The following KCNQ3 variants were observed in gnomAD, a reference collection of about 807,000 sequenced individuals.
KCNQ3 encodes the protein potassium voltage-gated channel subfamily Q member 3.
Under a neutral mutation model 92.5 loss-of-function variants are expected in KCNQ3, and 30 were observed. The observed-to-expected ratio is 0.32, with a 90% CI of 0.24 to 0.44. The LOEUF (loss-of-function observed/expected upper bound fraction) is 0.44, where lower values mean the gene tolerates loss of function less well. KCNQ3 is among the 20% of genes least tolerant of loss of function. The pLI, the probability that KCNQ3 is intolerant of heterozygous loss-of-function variation, is 1.00. For missense variants in KCNQ3, 913 were observed against 1,140.3 expected (o/e 0.80, Z 2.87); for synonymous variants, 450 against 468.8 (o/e 0.96, Z 0.52).
At chr8:132,373,363 G>C (rs752327147) in intron 1 of KCNQ3, among the ~76,000 whole-genome samples, 6 of 152,150 alleles carry the variant, frequency 3.9e-5, no homozygotes, top group Non-Finnish European at 7.4e-5. Flanking sequence ...ATTACATGAG[G>C]AGATGGGCCT....
At chr8:132,182,814 C>A (rs1411725296) in intron 3 of KCNQ3, among the ~76,000 whole-genome samples, 5 of 151,880 alleles carry the variant, frequency 3.3e-5, no homozygotes, top group African/African-American at 9.7e-5. Context: ...GGATTAGATA[C>A]TGAAAGAGGG....
intron 10 of KCNQ3, chr8:132,140,476 CCAGAAGCCAGCAAAGGACA>C (rs1249026232): frequency 5.2e-6 from 2 of 381,726 alleles, no homozygotes; most frequent in Non-Finnish European, 9.6e-6. Flanking sequence ...GCCCCCAGAG[CCAGAAGCCAGCAAAGGACA>C]CAGAAGCCAG....
intron 1 of KCNQ3, among the ~76,000 whole-genome samples, chr8:132,261,399 G>A (rs1465186080): frequency 1.3e-5 from 2 of 152,176 alleles, no homozygotes; most frequent in African/African-American, 2.4e-5. Flanking sequence ...CCACTCAGCT[G>A]TCCCATTCTC....
chr8:132,163,056 A>G (rs1826036940), intron 9 of KCNQ3, among the ~76,000 whole-genome samples: 1 of 152,178 alleles, frequency 6.6e-6, no homozygotes, highest in African/African-American at 2.4e-5. Flanking sequence ...AGATGAAATG[A>G]TATATCATGA....
At chr8:132,219,500 G>A (rs943230003) in intron 1 of KCNQ3, among the ~76,000 whole-genome samples, 19 of 151,994 alleles carry the variant, frequency 1.3e-4, no homozygotes, top group Non-Finnish European at 1.9e-4. Context: ...TTCTCTACCC[G>A]CTCTCTGTCC....
chr8:132,451,954 T>A (rs1285292714), intron 1 of KCNQ3, among the ~76,000 whole-genome samples: 1 of 152,180 alleles, frequency 6.6e-6, no homozygotes, highest in East Asian at 1.9e-4. Context: ...GTTCTTTTTT[T>A]TGCAGAACTA....
intron 9 of KCNQ3, among the ~76,000 whole-genome samples, chr8:132,156,692 CA>C (rs1411173376): frequency 6.6e-6 from 1 of 152,158 alleles, no homozygotes; most frequent in Non-Finnish European, 1.5e-5. Flanking sequence ...TTGTTTTTGG[CA>C]AACACAGAGG....
intron 1 of KCNQ3, among the ~76,000 whole-genome samples, chr8:132,444,488 G>T (rs1330480605): frequency 6.6e-6 from 1 of 152,210 alleles, no homozygotes; most frequent in Non-Finnish European, 1.5e-5. Flanking sequence ...ACAGGAGCTG[G>T]TGCTTTGCAG....
intron 1 of KCNQ3, among the ~76,000 whole-genome samples, chr8:132,377,457 T>C (rs1009884370): frequency 6.6e-5 from 10 of 152,118 alleles, no homozygotes; most frequent in African/African-American, 1.2e-4. Context: ...CAGGGACTGA[T>C]GGTTAAAGAG....
intron 1 of KCNQ3, among the ~76,000 whole-genome samples, chr8:132,357,242 A>G (rs1315377214): frequency 6.6e-6 from 1 of 152,220 alleles, no homozygotes; most frequent in Admixed American, 6.5e-5. Flanking sequence ...AGAACCCAAG[A>G]AAAGGGCTGG....
At chr8:132,433,062 C>T (rs1821294376) in intron 1 of KCNQ3, among the ~76,000 whole-genome samples, 1 of 152,164 alleles carries the variant, frequency 6.6e-6, no homozygotes, top group South Asian at 2.1e-4. Context: ...CTGTTCAATG[C>T]CCAAAGAAAT....
At chr8:132,229,405 T>C (rs1220953508) in intron 1 of KCNQ3, among the ~76,000 whole-genome samples, 1 of 152,112 alleles carries the variant, frequency 6.6e-6, no homozygotes, top group Non-Finnish European at 1.5e-5. Flanking sequence ...CAAAATATAC[T>C]GAGGACTTCA....
chr8:132,420,504 C>T (rs1587003779), intron 1 of KCNQ3, among the ~76,000 whole-genome samples: 1 of 152,160 alleles, frequency 6.6e-6, no homozygotes, highest in African/African-American at 2.4e-5. Flanking sequence ...AGCACCAGGA[C>T]TTGATGTCTC....
At chr8:132,185,606 T>A (rs1000421636) in intron 2 of KCNQ3, among the ~76,000 whole-genome samples, 2 of 152,192 alleles carry the variant, frequency 1.3e-5, no homozygotes, top group African/African-American at 4.8e-5. Flanking sequence ...CACCACCTGA[T>A]GGAGGACAGA....
At chr8:132,287,542 T>C (rs901075191) in intron 1 of KCNQ3, among the ~76,000 whole-genome samples, 2 of 152,362 alleles carry the variant, frequency 1.3e-5, no homozygotes, top group African/African-American at 4.8e-5. Context: ...GATGAACTGA[T>C]ATACAAAATG....
intron 1 of KCNQ3, among the ~76,000 whole-genome samples, chr8:132,414,786 T>G (rs986199586): frequency 6.6e-6 from 1 of 152,212 alleles, no homozygotes; most frequent in Admixed American, 6.5e-5. Flanking sequence ...TAGAAACGCA[T>G]GACCCACCTC....
chr8:132,217,516 C>A (rs139710570), intron 1 of KCNQ3, among the ~76,000 whole-genome samples: 16 of 152,020 alleles, frequency 1.1e-4, no homozygotes, highest in South Asian at 1.0e-3. Flanking sequence ...GGAGACCATC[C>A]TGGCTAACAT....
chr8:132,474,821 G>A (rs1212255053), intron 1 of KCNQ3, among the ~76,000 whole-genome samples: 1 of 152,088 alleles, frequency 6.6e-6, no homozygotes, highest in African/African-American at 2.4e-5. Flanking sequence ...TATGCCTGGG[G>A]AAGCTGGGCC....
chr8:132,202,600 C>T (rs1453444095), intron 1 of KCNQ3, among the ~76,000 whole-genome samples: 1 of 152,162 alleles, frequency 6.6e-6, no homozygotes, highest in Non-Finnish European at 1.5e-5. Context: ...TTAGGTTCTG[C>T]CTTCCCTAAA....
Sources: allele counts gnomAD v4.1 joint callset (sites outside exome capture counted in the v4.1 genomes callset), GRCh38; gene constraint gnomAD v4.1.1; transcripts MANE v1.5; gene names NCBI Gene and HGNC (gene_info 2026-07-23, HGNC 2026-07-21).